Variants in SAXO4 observed in about 807,000 individuals in gnomAD.
The protein encoded by SAXO4 is stabilizer of axonemal microtubules 4.
the SAXO4 span, chr11:61,485,737 C>A: frequency 2.4e-6 from 3 of 1,268,012 alleles, no homozygotes; most frequent in Admixed American, 5.2e-5. Context: ...GGACACTGAG[C>A]CTCTGGAGGA....
chr11:61,487,068 C>T, the SAXO4 span: 3 of 1,613,192 alleles, frequency 1.9e-6, no homozygotes, highest in Non-Finnish European at 2.5e-6. Flanking sequence ...AAAGGTGAGA[C>T]TTGCTACACC....
the SAXO4 span, chr11:61,489,550 C>G: frequency 1.7e-6 from 1 of 594,490 alleles, no homozygotes; most frequent in Non-Finnish European, 3.0e-6. Flanking sequence ...AGGGGCATCA[C>G]TGAAACTGTC....
the SAXO4 span, chr11:61,485,750 C>A: frequency 7.0e-7 from 1 of 1,437,042 alleles, no homozygotes; most frequent in Non-Finnish European, 9.8e-7. Flanking sequence ...CTGGAGGACA[C>A]ATGGGTGGGC....
the SAXO4 span, among the ~76,000 whole-genome samples, chr11:61,490,281 T>A: frequency 2.0e-5 from 3 of 152,160 alleles, no homozygotes; most frequent in African/African-American, 7.2e-5. Flanking sequence ...TGGACTGTGG[T>A]TCGGCCTCAC....
chr11:61,488,771 G>A, the SAXO4 span: 1,697 of 152,776 alleles, frequency 0.011, 42 homozygotes, highest in African/African-American at 0.038. Context: ...CTGACTGGGT[G>A]CCAAGCCCTG....
the SAXO4 span, chr11:61,482,529 G>A: frequency 6.4e-7 from 1 of 1,559,340 alleles, no homozygotes; most frequent in Non-Finnish European, 8.8e-7. Context: ...CTAGGCTGGG[G>A]GTCCTGGGTG....
the SAXO4 span, among the ~76,000 whole-genome samples, chr11:61,483,164 CTT>C: frequency 0.015 from 1,738 of 119,220 alleles, 18 homozygotes; most frequent in African/African-American, 0.057. Flanking sequence ...ATTTCTTTTT[CTT>C]TTTTTTTTTT....
the SAXO4 span, among the ~76,000 whole-genome samples, chr11:61,484,320 A>G: frequency 6.6e-6 from 1 of 152,196 alleles, no homozygotes; most frequent in Non-Finnish European, 1.5e-5. Flanking sequence ...AGAGCTTGCT[A>G]TGGAGACACT....
chr11:61,485,355 G>T, the SAXO4 span: 2 of 1,614,022 alleles, frequency 1.2e-6, no homozygotes, highest in South Asian at 2.2e-5. Flanking sequence ...GCTTCATGAC[G>T]TCGGAGTACA....
the SAXO4 span, chr11:61,485,946 G>A: frequency 2.2e-5 from 32 of 1,425,672 alleles, no homozygotes; most frequent in Non-Finnish European, 3.0e-5. Context: ...AACTTTAGGG[G>A]GCTTGAAGCC....
the SAXO4 span, among the ~76,000 whole-genome samples, chr11:61,481,513 C>T: frequency 1.3e-5 from 2 of 152,314 alleles, no homozygotes; most frequent in Non-Finnish European, 2.9e-5. Flanking sequence ...AATCCTTTAT[C>T]ACTTGGAACC....
the SAXO4 span, chr11:61,486,062 GTCCCCCATTTATAGATGAGAAGAC>G: frequency 4.5e-6 from 3 of 661,778 alleles, no homozygotes; most frequent in Admixed American, 8.8e-5. Flanking sequence ...TTTGGTCCAA[GTCCCCCATTTATAGATGAGAAGAC>G]TGAGGTCCAA....
At chr11:61,484,942 G>T in the SAXO4 span, 2 of 1,211,962 alleles carry the variant, frequency 1.7e-6, no homozygotes, top group Non-Finnish European at 2.2e-6. Context: ...GGCTCAGGGC[G>T]CCAAGAAAGA....
chr11:61,481,833 G>A, the SAXO4 span: 5 of 1,529,576 alleles, frequency 3.3e-6, no homozygotes, highest in South Asian at 6.6e-5. Context: ...TCCCCCTGGG[G>A]GTCGTCTCCC....
the SAXO4 span, among the ~76,000 whole-genome samples, chr11:61,483,635 A>G: frequency 6.6e-6 from 1 of 152,094 alleles, no homozygotes; most frequent in Non-Finnish European, 1.5e-5. Context: ...TAGGAAATAC[A>G]ACAGGGAGAA....
the SAXO4 span, among the ~76,000 whole-genome samples, chr11:61,484,998 A>G: frequency 6.6e-6 from 1 of 152,280 alleles, no homozygotes; most frequent in Non-Finnish European, 1.5e-5. Flanking sequence ...AAATAGCCTC[A>G]ATGTGGCTTC....
the SAXO4 span, chr11:61,486,492 CCTGG>C: frequency 6.2e-7 from 1 of 1,610,500 alleles, no homozygotes; most frequent in East Asian, 2.2e-5. Context: ...GCAGCCACAT[CCTGG>C]TGCCAGTGGC....
the SAXO4 span, among the ~76,000 whole-genome samples, chr11:61,483,184 T>TTA: frequency 7.3e-6 from 1 of 136,520 alleles, no homozygotes; most frequent in Non-Finnish European, 1.5e-5. Flanking sequence ...TTTTTTTTTT[T>TTA]GAGATGGAGT....
At chr11:61,488,111 T>C in the SAXO4 span, among the ~76,000 whole-genome samples, 1 of 149,720 alleles carries the variant, frequency 6.7e-6, no homozygotes, top group Non-Finnish European at 1.5e-5. Flanking sequence ...CTCACCCTCC[T>C]AAATAGCTGG....
Sources: allele counts gnomAD v4.1 joint callset (sites outside exome capture counted in the v4.1 genomes callset), GRCh38; gene constraint gnomAD v4.1.1; transcripts MANE v1.5; gene names NCBI Gene and HGNC (gene_info 2026-07-23, HGNC 2026-07-21).